The following CHODL variants were observed in gnomAD, a reference collection of about 807,000 sequenced individuals.
The protein encoded by CHODL is transmembrane protein MT75.
In CHODL, 29 loss-of-function variants were observed where a neutral mutation model predicts 34.5. That is an observed-to-expected ratio of 0.84 (90% CI 0.63 to 1.15). The LOEUF (loss-of-function observed/expected upper bound fraction) is 1.15, where lower values mean the gene tolerates loss of function less well. Among genes scored for constraint, CHODL ranks in the 50% most tolerant of loss-of-function variants. CHODL has a pLI of 0.00. For missense variants in CHODL, 332 were observed against 332.5 expected (o/e 1.00, Z 0.01); for synonymous variants, 125 against 116.1 (o/e 1.08, Z -0.49).
intron 1 of CHODL, among the ~76,000 whole-genome samples, chr21:17,940,977 G>T (rs961719733): frequency 6.6e-6 from 1 of 152,136 alleles, no homozygotes; most frequent in Admixed American, 6.5e-5. Flanking sequence ...TAATTTTAAA[G>T]TAAACTATTA....
At chr21:18,026,012 C>T (rs752070924) in intron 1 of CHODL, among the ~76,000 whole-genome samples, 10 of 152,142 alleles carry the variant, frequency 6.6e-5, no homozygotes, top group African/African-American at 1.4e-4. Flanking sequence ...TTGGGTGACA[C>T]GATTCAGCCC....
rs144080451 is a variant in CHODL, at chr21:18,254,946, G to A, written c.80-1563G>A. Among the ~76,000 whole-genome samples, 240 of 151,698 alleles carry A rather than the reference G, an allele frequency of 1.6e-3. 4 individuals are homozygous for A. Among genetic ancestry groups the A allele is most frequent in the Admixed American group, 4.7e-3 (71 of 15,214 alleles). On this transcript the variant is annotated intron_variant, in intron 1 of 5. Coordinates refer to ENST00000299295, the MANE Select transcript of CHODL (RefSeq NM_024944.3). ...TATTAGAGCAGAATTTCATTATGAC[G>A]TCTCAAAAATTCTTTTAAGCTTGTT...
At chr21:18,077,620 G>A (rs1308086055) in intron 2 of CHODL, among the ~76,000 whole-genome samples, 1 of 152,146 alleles carries the variant, frequency 6.6e-6, no homozygotes, top group Admixed American at 6.5e-5. Context: ...TGAGATTAGT[G>A]CCCTTACAAT....
intron 2 of CHODL, among the ~76,000 whole-genome samples, chr21:18,084,920 A>AGTGTGTGT (rs376876845): frequency 0.014 from 1,173 of 85,280 alleles, 18 homozygotes; most frequent in East Asian, 0.044. Context: ...GTCTAGTAAT[A>AGTGTGTGT]GTGTGTGTGT....
intron 2 of CHODL, among the ~76,000 whole-genome samples, chr21:18,161,871 T>C (rs1385445086): frequency 6.6e-6 from 1 of 152,182 alleles, no homozygotes. Context: ...CGTTCACTGG[T>C]AAATATTTCC....
At chr21:17,966,525 C>G (rs2063573336) in intron 1 of CHODL, among the ~76,000 whole-genome samples, 1 of 152,068 alleles carries the variant, frequency 6.6e-6, no homozygotes, top group African/African-American at 2.4e-5. Flanking sequence ...TTCTTATTTC[C>G]CAGGTCAACT....
chr21:18,172,117 A>G (rs891056605), intron 2 of CHODL, among the ~76,000 whole-genome samples: 1 of 152,140 alleles, frequency 6.6e-6, no homozygotes, highest in African/African-American at 2.4e-5. Flanking sequence ...GAGTTTTTCA[A>G]ATTCCCCTAT....
intron 2 of CHODL, among the ~76,000 whole-genome samples, chr21:18,149,616 C>A (rs1446849805): frequency 6.6e-6 from 1 of 152,152 alleles, no homozygotes; most frequent in Non-Finnish European, 1.5e-5. Flanking sequence ...ATATGTCAAG[C>A]TACATCTCAA....
At chr21:18,030,008 A>C (rs1487467383) in intron 2 of CHODL, among the ~76,000 whole-genome samples, 1 of 152,066 alleles carries the variant, frequency 6.6e-6, no homozygotes, top group East Asian at 1.9e-4. Flanking sequence ...TATGTAAGGT[A>C]CTGGAGATCT....
intron 2 of CHODL, among the ~76,000 whole-genome samples, chr21:18,167,235 G>A (rs1454129369): frequency 6.6e-6 from 1 of 150,550 alleles, no homozygotes; most frequent in African/African-American, 2.4e-5. Context: ...GTGTGTGTGT[G>A]TGTGTGTGTG....
At chr21:18,056,096 C>A (rs748240832) in intron 2 of CHODL, among the ~76,000 whole-genome samples, 13 of 151,936 alleles carry the variant, frequency 8.6e-5, no homozygotes, top group Non-Finnish European at 1.9e-4. Context: ...ATAAAGGATT[C>A]ATGGGAAGTA....
chr21:18,147,201 C>G (rs9982566), intron 2 of CHODL, among the ~76,000 whole-genome samples: 8,044 of 152,226 alleles, frequency 0.053, 573 homozygotes, highest in African/African-American at 0.17. Flanking sequence ...GAAGAGTACA[C>G]TTGGTTAGTA....
intron 2 of CHODL, among the ~76,000 whole-genome samples, chr21:18,118,040 T>G (rs979167180): frequency 1.3e-5 from 2 of 152,224 alleles, no homozygotes; most frequent in African/African-American, 4.8e-5. Flanking sequence ...AGATCTGTGA[T>G]CAAGTAGACC....
intron 1 of CHODL, among the ~76,000 whole-genome samples, chr21:17,936,093 A>G (rs1286451113): frequency 6.6e-6 from 1 of 152,156 alleles, no homozygotes; most frequent in Non-Finnish European, 1.5e-5. Context: ...TAGAAATAGA[A>G]CTTTCTTATT....
At chr21:18,051,267 T>C (rs2064512413) in intron 2 of CHODL, among the ~76,000 whole-genome samples, 1 of 152,012 alleles carries the variant, frequency 6.6e-6, no homozygotes, top group Non-Finnish European at 1.5e-5. Flanking sequence ...ACTCATCCTT[T>C]TTTATGGATG....
intron 2 of CHODL, among the ~76,000 whole-genome samples, chr21:18,063,024 G>C (rs561278206): frequency 4.6e-5 from 7 of 152,248 alleles, no homozygotes; most frequent in African/African-American, 1.7e-4. Flanking sequence ...GAAAAAAGCA[G>C]AATATGGCTG....
At position 17,925,928 on chromosome 21, in the gene CHODL, A is replaced by G. The variant is rs144146819; in HGVS notation, c.-145+8528A>G. Among the ~76,000 whole-genome samples, 200 of 152,290 alleles carry G rather than the reference A, an allele frequency of 1.3e-3. 1 individual carries two copies. In the Middle Eastern group the frequency reaches 0.024, roughly 18 times the overall value. ...GTTTATTCTTTTTCTTTGTTTACTC[A>G]TGAGGATATAATTTGAGATGTTTAA... On this transcript the variant is annotated intron_variant, in intron 1 of 6. Coordinates refer to the CHODL transcript ENST00000400127.
intron 2 of CHODL, among the ~76,000 whole-genome samples, chr21:18,122,542 T>A (rs1316411642): frequency 7.9e-6 from 1 of 126,090 alleles, no homozygotes; most frequent in Non-Finnish European, 1.6e-5. Context: ...AACATATTTC[T>A]GCTCAATTTT....
intron 2 of CHODL, among the ~76,000 whole-genome samples, chr21:18,174,266 A>T (rs1377412456): frequency 6.7e-6 from 1 of 150,336 alleles, no homozygotes; most frequent in East Asian, 1.9e-4. Context: ...AACGCTAGAT[A>T]TGGAGATTGT....
Sources: gnomAD v4.1 joint callset for allele counts (sites outside exome capture counted in the v4.1 genomes callset) on GRCh38, gnomAD v4.1.1 for gene constraint, MANE v1.5 for transcripts, NCBI Gene and HGNC (gene_info 2026-07-23, HGNC 2026-07-21) for gene names.